STAT1: variants seen among roughly 807,000 people sequenced by gnomAD.
The protein encoded by STAT1 is signal transducer and activator of transcription 1-alpha/beta.
STAT1 carries 24 observed loss-of-function variants against 111.7 expected under a neutral mutation model. The ratio of observed to expected loss-of-function variants is 0.21; its 90% confidence interval spans 0.16 to 0.30. The LOEUF (loss-of-function observed/expected upper bound fraction) is 0.30. Among genes scored for constraint, STAT1 ranks in the 10% least tolerant of loss-of-function variants. The pLI is 1.00. For synonymous variants in STAT1, 332 were observed against 326.5 expected, an observed-to-expected ratio of 1.02 and a Z score of -0.18; for missense variants, 351 against 911.9, an observed-to-expected ratio of 0.38 and a Z score of 7.92.
In STAT1 at chr2:190,974,684, G is replaced by T; in HGVS notation, c.2238+146C>A. 1.4e-6 allele frequency: 1 copy of T among 728,042 alleles called. No individual in the cohort carries two copies. Among genetic ancestry groups the T allele is most frequent in the Non-Finnish European group, 2.5e-6 (1 of 403,978 alleles). The allele number at this position is 728,042 out of a possible 1,614,324, so 45.1% of individuals were successfully genotyped here. On this transcript the variant is annotated intron_variant, in intron 24 of 24. Transcript: ENST00000361099. This position sits in a 1 kb window ranked among gnomAD's most constrained non-coding sequence, Gnocchi z 4.8. The stretch of plus-strand genomic sequence containing the variant: ...GGTTTAAATCCAGCAGCTCCAACTT[G>T]TCATGGCTCATCTGAGCACTGCACT...
rs1693970687 is a variant in STAT1, at chr2:190,997,829, C to A, written c.785+27G>T. On this transcript the variant is annotated intron_variant, in intron 9 of 24. Transcript: ENST00000361099. This position sits in a 1 kb window ranked among gnomAD's most constrained non-coding sequence, Gnocchi z 7.3. ...GTTTATGTGGTTAGCCAGTCAGCTG[C>A]CAGTTTTCTGCTTTGGAGAATCTTA... The A allele has an allele frequency of 6.2e-7, 1 of 1,614,012 alleles. No individual in the cohort carries two copies. The highest frequency in any genetic ancestry group is 8.5e-7 in the Non-Finnish European group (1 of 1,180,034).
intron 2 of STAT1, 94 bp from the exon 3 acceptor site, chr2:191,010,098 C>G: frequency 7.2e-7 from 1 of 1,393,988 alleles, no homozygotes; most frequent in Admixed American, 1.9e-5. Flanking sequence ...TCTTAAATAT[C>G]TTGCTTAATC....
rs1453139291 is a variant in STAT1, at chr2:191,004,966, T to TA, written c.372+2596dup. Among the ~76,000 whole-genome samples, 2 of 152,160 alleles carry TA rather than the reference T, an allele frequency of 1.3e-5. No homozygotes were observed. The highest frequency in any genetic ancestry group is 2.9e-5 in the Non-Finnish European group (2 of 68,020). On this transcript the variant is annotated intron_variant, in intron 5 of 24. Coordinates refer to ENST00000361099, the MANE Select transcript of STAT1 (RefSeq NM_007315.4). The surrounding 1 kb of genome is among the most constrained non-coding windows in gnomAD (Gnocchi z 5.0). ...AAAGAAAAAAAGAAAGAAAAAAACT[T>TA]AGTGTGCTGTAAGACAGCACACGAA...
Position 190,970,766 on chromosome 2 carries a change from A to G in STAT1, c.2239-49T>C, listed in dbSNP as rs752147072. On this transcript the variant is annotated intron_variant, in intron 24 of 24. Transcript: ENST00000361099. This position sits in a 1 kb window ranked among gnomAD's most constrained non-coding sequence, Gnocchi z 5.4. ...AAGTTTATTACACTGATCTTGTGAA[A>G]TGCAGACTCATACATTAAACATTGC... The G allele has an allele frequency of 6.5e-7, 1 of 1,535,236 alleles. No individual in the cohort carries two copies. Among genetic ancestry groups the G allele is most frequent in the Non-Finnish European group, 9.0e-7 (1 of 1,109,344 alleles).
In STAT1 at chr2:190,983,893, C is replaced by T. The variant is rs539746793; in HGVS notation, c.1348-153G>A. The stretch of plus-strand genomic sequence containing the variant: ...AAGTGTTAAGTTCTGTTCTTCTGTC[C>T]AGTTTAACTTGTCTTTGATGTATCT... On this transcript the variant is annotated intron_variant, in intron 16 of 24. Transcript: ENST00000361099. The surrounding 1 kb of genome is among the most constrained non-coding windows in gnomAD (Gnocchi z 5.7). Among the ~76,000 whole-genome samples, 2 of 152,160 alleles carry T rather than the reference C, an allele frequency of 1.3e-5. No homozygotes were observed. The highest frequency in any genetic ancestry group is 4.2e-4 in the South Asian group (2 of 4,818).
At position 190,990,212 on chromosome 2, in the gene STAT1, G is replaced by C. The variant is rs1693208208; in HGVS notation, c.1038-538C>G. ...TCCACTGAGCTGGAGACTTTGAGAA[G>C]GAGACCCCGGGGCTCTGTCTGCTCC... On this transcript the variant is annotated intron_variant, in intron 11 of 24. Coordinates refer to ENST00000361099, the MANE Select transcript of STAT1 (RefSeq NM_007315.4). The surrounding 1 kb of genome is among the most constrained non-coding windows in gnomAD (Gnocchi z 5.1). 6.6e-6 allele frequency among the ~76,000 whole-genome samples: 1 copy of C among 152,206 alleles called. No individual in the cohort carries two copies. Among genetic ancestry groups the C allele is most frequent in the Non-Finnish European group, 1.5e-5 (1 of 68,036 alleles).
intron 2 of STAT1, chr2:191,010,436 G>A: frequency 2.1e-6 from 1 of 469,234 alleles, no homozygotes; most frequent in Admixed American, 2.4e-5. Flanking sequence ...AGGATTCTGT[G>A]CACTGGTGTA....
In STAT1 at chr2:190,978,189, T is replaced by C. The variant is rs369109571; in HGVS notation, c.1873+667A>G. 3.9e-5 allele frequency among the ~76,000 whole-genome samples: 6 copies of C among 152,336 alleles called. No individual in the cohort carries two copies. In the East Asian group the frequency reaches 9.6e-4, roughly 24 times the overall value. On this transcript the variant is annotated intron_variant, in intron 21 of 24. Transcript: ENST00000361099. The surrounding 1 kb of genome is among the most constrained non-coding windows in gnomAD (Gnocchi z 6.1). ...AACAAATCAGTTTTTCCTCCTGCCCTTCAAACAGACCAAACTCTAAACAAC... is the reference window on the plus strand; with the variant it reads ...AACAAATCAGTTTTTCCTCCTGCCCCTCAAACAGACCAAACTCTAAACAAC...
At position 191,007,791 on chromosome 2, in the gene STAT1, A is replaced by T. The variant is rs1694818982; in HGVS notation, c.274-130T>A. 1 of 713,772 alleles carries T rather than the reference A, an allele frequency of 1.4e-6. No individual in the cohort carries two copies. Among genetic ancestry groups the T allele is most frequent in the Admixed American group, 2.6e-5 (1 of 39,056 alleles). The allele number at this position is 713,772 out of a possible 1,614,324, so 44.2% of individuals were successfully genotyped here. Reference sequence around the variant, plus strand: ...ATCTCTCATCTATTAAATTCTATATAAGCTATGTTTGTTAAAATCAAAATA... The same window carrying T: ...ATCTCTCATCTATTAAATTCTATATTAGCTATGTTTGTTAAAATCAAAATA... On this transcript the variant is annotated intron_variant, in intron 4 of 24. Coordinates refer to ENST00000361099, the MANE Select transcript of STAT1 (RefSeq NM_007315.4). This position sits in a 1 kb window ranked among gnomAD's most constrained non-coding sequence, Gnocchi z 4.2.
intron 10 of STAT1, chr2:190,992,738 C>A: frequency 1.0e-6 from 1 of 982,218 alleles, no homozygotes; most frequent in Non-Finnish European, 1.4e-6. Context: ...CCATTAGCTT[C>A]TTAATCTCAG....
chr2:190,983,874 T>A lies in STAT1; in HGVS notation c.1348-134A>T. On this transcript the variant is annotated intron_variant, in intron 16 of 24. Transcript: ENST00000361099. The surrounding 1 kb of genome is among the most constrained non-coding windows in gnomAD (Gnocchi z 5.7). ...TTTAATACTTGAAAATGAGAAGTGT[T>A]AAGTTCTGTTCTTCTGTCCAGTTTA... 1.3e-6 allele frequency: 1 copy of A among 778,886 alleles called. No individual in the cohort carries two copies. Among genetic ancestry groups the A allele is most frequent in the Non-Finnish European group, 2.2e-6 (1 of 453,482 alleles). The allele number at this position is 778,886 out of a possible 1,614,324, so 48.2% of individuals were successfully genotyped here. A position where few individuals can be genotyped will look rare whatever the true frequency, so the allele number is the denominator to read the frequency against.
In STAT1 at chr2:190,974,854, C is replaced by T; in HGVS notation, c.2214G>A (p.Val738=). The change falls in exon 24 of 25, where the codon GTG becomes GTA. Residue 738 remains valine, a synonymous_variant. Coordinates refer to ENST00000361099, the MANE Select transcript of STAT1 (RefSeq NM_007315.4). The surrounding 1 kb of genome is among the most constrained non-coding windows in gnomAD (Gnocchi z 4.8). ...PEEFDEVSRI[V]GSVEFDSMMN... Reference sequence around the variant, plus strand: ...CCATACTGTCGAATTCTACAGAGCCCACTATCCGAGACACCTCGTCAAACT... The same window carrying T: ...CCATACTGTCGAATTCTACAGAGCCTACTATCCGAGACACCTCGTCAAACT... 6.2e-7 allele frequency: 1 copy of T among 1,614,146 alleles called. No individual in the cohort carries two copies. Among genetic ancestry groups the T allele is most frequent in the Middle Eastern group, 1.6e-4 (1 of 6,062 alleles).
chr2:191,011,777 C>G (rs903227943), intron 2 of STAT1, among the ~76,000 whole-genome samples: 6 of 152,070 alleles, frequency 3.9e-5, no homozygotes, highest in African/African-American at 1.4e-4. Context: ...CCTGCTGCCC[C>G]GTGAAGAGAT....
Position 190,977,099 on chromosome 2 carries a change from C to T in STAT1, c.1874-74G>A. On this transcript the variant is annotated intron_variant, in intron 21 of 24. Coordinates refer to ENST00000361099, the MANE Select transcript of STAT1 (RefSeq NM_007315.4). This position sits in a 1 kb window ranked among gnomAD's most constrained non-coding sequence, Gnocchi z 4.7. ...AAGAGGACAGAGAAATAAAACACTG[C>T]AGAGTTGATGGATTTGAGTGAACCT... 6.9e-7 allele frequency: 1 copy of T among 1,458,876 alleles called. No individual in the cohort carries two copies. The highest frequency in any genetic ancestry group is 1.4e-5 in the African/African-American group (1 of 71,716). 90.4% of individuals were successfully genotyped at this position (1,458,876 alleles called of 1,614,324 possible).
At chr2:190,992,672 A>G in intron 10 of STAT1, 9 of 1,264,938 alleles carry the variant, frequency 7.1e-6, no homozygotes, top group Non-Finnish European at 9.2e-6. Flanking sequence ...GCTTGACCAG[A>G]GTGCTCTGAA....
intron 5 of STAT1, among the ~76,000 whole-genome samples, chr2:191,002,642 A>C (rs1006845717): frequency 6.6e-6 from 1 of 152,174 alleles, no homozygotes; most frequent in Admixed American, 6.5e-5. Flanking sequence ...TTATGCTTCT[A>C]ATGGTTTTCT....
At position 190,998,761 on chromosome 2, in the gene STAT1, A is replaced by T. The variant is rs1229407317; in HGVS notation, c.542-453T>A. 1.3e-5 allele frequency among the ~76,000 whole-genome samples: 2 copies of T among 151,662 alleles called. No homozygotes were observed. The highest frequency in any genetic ancestry group is 3.8e-4 in the East Asian group (2 of 5,202). ...AGTATCTGCCACTTAAGACACTGTC[A>T]GGTAATTACCTAAATAAATGTAAAT... On this transcript the variant is annotated intron_variant, in intron 7 of 24. Coordinates refer to ENST00000361099, the MANE Select transcript of STAT1 (RefSeq NM_007315.4). This position sits in a 1 kb window ranked among gnomAD's most constrained non-coding sequence, Gnocchi z 4.1.
At chr2:191,011,207 C>A (rs1373721133) in intron 2 of STAT1, among the ~76,000 whole-genome samples, 1 of 152,208 alleles carries the variant, frequency 6.6e-6, no homozygotes, top group African/African-American at 2.4e-5. Context: ...GACCCAAGCC[C>A]AGCCCCTTGG....
rs1253430872 is a variant in STAT1 at position 190,996,616 on chromosome 2, A to G, written c.785+1240T>C. Among the ~76,000 whole-genome samples, 2 of 152,220 alleles carry G rather than the reference A, an allele frequency of 1.3e-5. No homozygotes were observed. The highest frequency in any genetic ancestry group is 1.9e-4 in the East Asian group (1 of 5,202). ...GGGTTGTATGTATCCCTCAAGGCAC[A>G]TGGGGTGCACTGGGCTCAGAAGCTC... is the stretch of plus-strand genomic sequence containing the variant. On this transcript the variant is annotated intron_variant, in intron 9 of 24. Transcript: ENST00000361099. The surrounding 1 kb of genome is among the most constrained non-coding windows in gnomAD (Gnocchi z 4.5).
Sources: gnomAD v4.1 joint callset for allele counts (sites outside exome capture counted in the v4.1 genomes callset) on GRCh38, gnomAD v4.1.1 for gene constraint, Gnocchi (gnomAD v3.1) non-coding constraint, MANE v1.5 for transcripts, NCBI Gene and HGNC (gene_info 2026-07-23, HGNC 2026-07-21) for gene names.